Variants in STAT4 observed in about 807,000 individuals in gnomAD.
STAT4 encodes the protein signal transducer and activator of transcription 4.
In STAT4, 42 loss-of-function variants were observed where a neutral mutation model predicts 110.5. That is an observed-to-expected ratio of 0.38 (90% CI 0.30 to 0.49). The LOEUF (loss-of-function observed/expected upper bound fraction) is 0.49. STAT4 is among the 20% of genes least tolerant of loss of function. The pLI, the probability that STAT4 is intolerant of heterozygous loss-of-function variation, is 0.95. For synonymous variants in STAT4, 284 were observed against 302.2 expected (o/e 0.94, Z 0.63); for missense variants, 632 against 887.9 (o/e 0.71, Z 3.66).
In STAT4 at chr2:191,117,934, T is replaced by C. The variant is rs10201841; in HGVS notation, c.273+28679A>G. Among the ~76,000 whole-genome samples, 5,627 of 152,246 alleles carry C rather than the reference T, an allele frequency of 0.037. 352 individuals are homozygous for C. Among genetic ancestry groups the C allele is most frequent in the African/African-American group, 0.13 (5,351 of 41,524 alleles). The stretch of plus-strand genomic sequence containing the variant: ...ACACAAACTGAGAAGGATGTATCTA[T>C]CTACACTGTTCAAGAGGAAGATAGA... On this transcript the variant is annotated intron_variant, in intron 3 of 23. Coordinates refer to ENST00000392320, the MANE Select transcript of STAT4 (RefSeq NM_003151.4). This position sits in a 1 kb window ranked among gnomAD's most constrained non-coding sequence, Gnocchi z 5.2.
rs1698236641 is a variant in STAT4 at position 191,104,884 on chromosome 2, GC to G, written c.274-28560del. Among the ~76,000 whole-genome samples, 1 of 151,968 alleles carries G rather than the reference GC, an allele frequency of 6.6e-6. No individual in the cohort carries two copies. Among genetic ancestry groups the G allele is most frequent in the African/African-American group, 2.4e-5 (1 of 41,388 alleles). ...GCTTGAGCAGAAAAAAGTCCCAATG[GC>G]CCATCTTATCTGGCCCCACAGAGAC... is the stretch of plus-strand genomic sequence containing the variant. On this transcript the variant is annotated intron_variant, in intron 3 of 23. Coordinates refer to ENST00000392320, the MANE Select transcript of STAT4 (RefSeq NM_003151.4). The surrounding 1 kb of genome is among the most constrained non-coding windows in gnomAD (Gnocchi z 4.3).
In STAT4 at chr2:191,090,148, G is replaced by A. The variant is rs1697751037; in HGVS notation, c.274-13823C>T. 6.6e-6 allele frequency among the ~76,000 whole-genome samples: 1 copy of A among 152,068 alleles called. No individual in the cohort carries two copies. Among genetic ancestry groups the A allele is most frequent in the Admixed American group, 6.6e-5 (1 of 15,262 alleles). ...TAGGAGAAACTGGTGAGGGGTGTGAGAAGGAGACTAAGGGAGTATATGGGA... is the reference window on the plus strand; with the variant it reads ...TAGGAGAAACTGGTGAGGGGTGTGAAAAGGAGACTAAGGGAGTATATGGGA... On this transcript the variant is annotated intron_variant, in intron 3 of 23. Transcript: ENST00000392320. This position sits in a 1 kb window ranked among gnomAD's most constrained non-coding sequence, Gnocchi z 4.2.
chr2:191,033,712 T>G lies in STAT4; in HGVS notation c.1716-86A>C. 6.5e-7 allele frequency: 1 copy of G among 1,544,460 alleles called. No individual in the cohort carries two copies. On this transcript the variant is annotated intron_variant, in intron 19 of 23. Coordinates refer to ENST00000392320, the MANE Select transcript of STAT4 (RefSeq NM_003151.4). This position sits in a 1 kb window ranked among gnomAD's most constrained non-coding sequence, Gnocchi z 6.9. ...ACAAAGACCTACAGTTTGTTTTGAGTGTAATCAAAAGTCATTCTTACCTGA... is the reference window on the plus strand; with the variant it reads ...ACAAAGACCTACAGTTTGTTTTGAGGGTAATCAAAAGTCATTCTTACCTGA...
At chr2:191,129,193 A>T (rs375441572) in intron 3 of STAT4, among the ~76,000 whole-genome samples, 38 of 152,342 alleles carry the variant, frequency 2.5e-4, no homozygotes, top group African/African-American at 8.2e-4. Flanking sequence ...ACATGAATTC[A>T]TTTACCAGTT....
intron 14 of STAT4, among the ~76,000 whole-genome samples, chr2:191,052,099 C>T (rs528680361): frequency 6.6e-6 from 1 of 152,296 alleles, no homozygotes; most frequent in Admixed American, 6.5e-5. Context: ...TCCTGTTTTC[C>T]TGTAATTTGT....
chr2:191,056,997 G>A (rs1696715350), intron 13 of STAT4, among the ~76,000 whole-genome samples: 1 of 152,024 alleles, frequency 6.6e-6, no homozygotes. Context: ...TGGCCAGGCT[G>A]GTCTCGAATT....
chr2:191,108,270 G>A (rs1266008302), intron 3 of STAT4, among the ~76,000 whole-genome samples: 4 of 149,214 alleles, frequency 2.7e-5, no homozygotes, highest in African/African-American at 9.9e-5. Flanking sequence ...CAGCCTGGGT[G>A]ACAGATTGAA....
rs1696814763 is a variant in STAT4 at position 191,060,362 on chromosome 2, C to T, written c.1034+1367G>A. Among the ~76,000 whole-genome samples the T allele has an allele frequency of 2.0e-5, 3 of 152,112 alleles. No individual in the cohort carries two copies. The highest frequency in any genetic ancestry group is 2.1e-4 in the South Asian group (1 of 4,824). ...TCTCCTCCGAGTTATACAGAGATGT[C>T]GGAATGAGGAAGGAACAATTTTTGA... On this transcript the variant is annotated intron_variant, in intron 10 of 23. Transcript: ENST00000392320. This position sits in a 1 kb window ranked among gnomAD's most constrained non-coding sequence, Gnocchi z 4.5.
intron 3 of STAT4, among the ~76,000 whole-genome samples, chr2:191,122,897 G>A (rs1194786807): frequency 6.6e-6 from 1 of 152,172 alleles, no homozygotes; most frequent in Non-Finnish European, 1.5e-5. Flanking sequence ...TCTGGAACTG[G>A]TGGTAGTTAT....
At chr2:191,068,771 C>T (rs555981765) in intron 6 of STAT4, among the ~76,000 whole-genome samples, 1 of 152,186 alleles carries the variant, frequency 6.6e-6, no homozygotes, top group Non-Finnish European at 1.5e-5. Context: ...TTAACATCAG[C>T]ACAATTCCAT....
At chr2:191,052,268 C>G (rs1238226817) in intron 14 of STAT4, among the ~76,000 whole-genome samples, 3 of 152,180 alleles carry the variant, frequency 2.0e-5, no homozygotes, top group Non-Finnish European at 4.4e-5. Context: ...TCAACTGTTA[C>G]TGCTGCACAC....
At chr2:191,069,670 T>G (rs750401405) in intron 6 of STAT4, 23 bp downstream of exon 6, 2 of 1,586,700 alleles carry the variant, frequency 1.3e-6, no homozygotes, top group Non-Finnish European at 1.7e-6. Context: ...CTATGCATAA[T>G]TATAGAAAAA....
intron 3 of STAT4, among the ~76,000 whole-genome samples, chr2:191,080,212 T>G (rs1430875027): frequency 6.6e-6 from 1 of 152,114 alleles, no homozygotes; most frequent in African/African-American, 2.4e-5. Flanking sequence ...CACTTAGAAT[T>G]TTTATTTTTT....
chr2:191,126,896 T>C (rs1698895648), intron 3 of STAT4, among the ~76,000 whole-genome samples: 1 of 152,206 alleles, frequency 6.6e-6, no homozygotes, highest in South Asian at 2.1e-4. Context: ...CACGGGTCAC[T>C]GCAGCCTCTG....
In STAT4 at chr2:191,142,005, A is replaced by G. The variant is rs915314043; in HGVS notation, c.273+4608T>C. 6.6e-6 allele frequency among the ~76,000 whole-genome samples: 1 copy of G among 152,202 alleles called. No homozygotes were observed. Among genetic ancestry groups the G allele is most frequent in the African/African-American group, 2.4e-5 (1 of 41,436 alleles). ...GGTAGGAATGTAAATTAATACAACC[A>G]GTATGGAAATGTCTCAAAAAACTAA... On this transcript the variant is annotated intron_variant, in intron 3 of 23. Transcript: ENST00000392320. The surrounding 1 kb of genome is among the most constrained non-coding windows in gnomAD (Gnocchi z 4.1).
chr2:191,090,535 C>T lies in STAT4; in HGVS notation c.274-14210G>A, dbSNP rs116263124. ...CTGCAGGTATATATAGCTTGTCTTA[C>T]CTTATTTATTTATTTTTAAACTACT... On this transcript the variant is annotated intron_variant, in intron 3 of 23. Coordinates refer to ENST00000392320, the MANE Select transcript of STAT4 (RefSeq NM_003151.4). This position sits in a 1 kb window ranked among gnomAD's most constrained non-coding sequence, Gnocchi z 4.2. Among the ~76,000 whole-genome samples the T allele has an allele frequency of 7.3e-3, 1,114 of 151,820 alleles. 16 individuals carry two copies. Among genetic ancestry groups the T allele is most frequent in the African/African-American group, 0.026 (1,078 of 41,384 alleles).
chr2:191,035,331 A>G lies in STAT4; in HGVS notation c.1571-734T>C, dbSNP rs552035535. On this transcript the variant is annotated intron_variant, in intron 17 of 23. Coordinates refer to ENST00000392320, the MANE Select transcript of STAT4 (RefSeq NM_003151.4). The surrounding 1 kb of genome is among the most constrained non-coding windows in gnomAD (Gnocchi z 4.7). ...TTAAGTAAATTTTGTGATGTTTTCC[A>G]AAGTCCTAATGTATTTAGGTACCTA... Among the ~76,000 whole-genome samples, 11 of 152,354 alleles carry G rather than the reference A, an allele frequency of 7.2e-5. No homozygotes were observed. In the East Asian group the frequency reaches 2.1e-3, roughly 29 times the overall value.
intron 3 of STAT4, among the ~76,000 whole-genome samples, chr2:191,115,066 T>G (rs1282344559): frequency 6.6e-6 from 1 of 152,194 alleles, no homozygotes; most frequent in Non-Finnish European, 1.5e-5. Context: ...GTGTGTTACT[T>G]TTATAAACAG....
intron 3 of STAT4, among the ~76,000 whole-genome samples, chr2:191,078,657 T>A (rs1697378938): frequency 6.6e-6 from 1 of 152,096 alleles, no homozygotes; most frequent in South Asian, 2.1e-4. Flanking sequence ...AAACAAACCC[T>A]TAAGTGTGTG....
Sources: allele counts gnomAD v4.1 joint callset (sites outside exome capture counted in the v4.1 genomes callset), GRCh38; gene constraint gnomAD v4.1.1; non-coding constraint Gnocchi (gnomAD v3.1); transcripts MANE v1.5; gene names NCBI Gene and HGNC (gene_info 2026-07-23, HGNC 2026-07-21).